Variants in ADGRA3 observed in about 807,000 individuals in gnomAD.
The protein encoded by ADGRA3 is adhesion G protein-coupled receptor A3.
ADGRA3 carries 56 observed loss-of-function variants against 119.8 expected under a neutral mutation model. That is an observed-to-expected ratio of 0.47 (90% CI 0.38 to 0.58). The LOEUF (loss-of-function observed/expected upper bound fraction) is 0.58, where lower values mean the gene tolerates loss of function less well. ADGRA3 is among the 20% of genes least tolerant of loss of function. The pLI, the probability that ADGRA3 is intolerant of heterozygous loss-of-function variation, is 0.00. For missense variants in ADGRA3, 1,516 were observed against 1,649.0 expected, an observed-to-expected ratio of 0.92 and a Z score of 1.40; for synonymous variants, 607 against 623.8, an observed-to-expected ratio of 0.97 and a Z score of 0.40.
At chr4:22,402,032 A>G (rs1244855159) in intron 15 of ADGRA3, among the ~76,000 whole-genome samples, 1 of 152,152 alleles carries the variant, frequency 6.6e-6, no homozygotes, top group African/African-American at 2.4e-5. Flanking sequence ...AATATATATC[A>G]AAATCTCCTT....
intron 7 of ADGRA3, among the ~76,000 whole-genome samples, chr4:22,439,437 T>C (rs1299276083): frequency 1.3e-5 from 2 of 152,240 alleles, no homozygotes; most frequent in Non-Finnish European, 2.9e-5. Context: ...GGACCCAGTA[T>C]GCGTTGCTGT....
At chr4:22,411,548 G>A (rs778265816) in intron 14 of ADGRA3, among the ~76,000 whole-genome samples, 14 of 152,196 alleles carry the variant, frequency 9.2e-5, no homozygotes, top group East Asian at 1.9e-4. Flanking sequence ...GCAGTGAGGC[G>A]AGATTGCACC....
At chr4:22,401,951 C>A (rs1185824130) in intron 15 of ADGRA3, among the ~76,000 whole-genome samples, 3 of 151,972 alleles carry the variant, frequency 2.0e-5, no homozygotes, top group Non-Finnish European at 2.9e-5. Flanking sequence ...GACCCACTGG[C>A]GCAGGTCTAA....
At chr4:22,514,027 T>C (rs570471627) in intron 1 of ADGRA3, among the ~76,000 whole-genome samples, 1 of 152,284 alleles carries the variant, frequency 6.6e-6, no homozygotes, top group East Asian at 1.9e-4. Flanking sequence ...TACTAGTAGT[T>C]GACCTAATCC....
At chr4:22,409,181 T>C (rs1439676954) in intron 14 of ADGRA3, among the ~76,000 whole-genome samples, 1 of 152,168 alleles carries the variant, frequency 6.6e-6, no homozygotes, top group Non-Finnish European at 1.5e-5. Context: ...TGTAAAAATA[T>C]AACCAATATT....
chr4:22,405,546 TAAA>T (rs371969552), intron 14 of ADGRA3, among the ~76,000 whole-genome samples: 1 of 125,450 alleles, frequency 8.0e-6, no homozygotes, highest in Non-Finnish European at 1.7e-5. Context: ...CCCCTATTTC[TAAA>T]AAAAAAAAAA....
intron 17 of ADGRA3, among the ~76,000 whole-genome samples, chr4:22,391,469 A>G (rs1252415764): frequency 2.0e-5 from 3 of 151,994 alleles, no homozygotes; most frequent in Admixed American, 6.6e-5. Flanking sequence ...CTGGACATCA[A>G]TCCTAGAGAA....
chr4:22,414,967 C>CT (rs1019421061), intron 12 of ADGRA3, among the ~76,000 whole-genome samples: 1 of 151,586 alleles, frequency 6.6e-6, no homozygotes, highest in African/African-American at 2.4e-5. Flanking sequence ...TGAAACAGGG[C>CT]TTTTTTGGAC....
At chr4:22,475,561 A>C (rs563284222) in intron 1 of ADGRA3, among the ~76,000 whole-genome samples, 14 of 152,140 alleles carry the variant, frequency 9.2e-5, no homozygotes, top group African/African-American at 3.4e-4. Flanking sequence ...CCCCGTCTCC[A>C]CTAAATATAC....
At chr4:22,468,061 T>G (rs1266200052) in intron 2 of ADGRA3, among the ~76,000 whole-genome samples, 3 of 152,236 alleles carry the variant, frequency 2.0e-5, no homozygotes, top group African/African-American at 7.2e-5. Flanking sequence ...GTCAGGCCTT[T>G]GTGGTTGGTT....
rs894867118 is a variant in ADGRA3 at position 22,450,109 on chromosome 4, C to T, written c.474-2598G>A. On this transcript the variant is annotated intron_variant, in intron 4 of 18. Coordinates refer to ENST00000334304, the MANE Select transcript of ADGRA3 (RefSeq NM_145290.4). ...CACATATTTTACAACATTACAATCG[C>T]AGTCTAGCTCTGAGATGCTCACTAA... Among the ~76,000 whole-genome samples the T allele has an allele frequency of 2.6e-5, 4 of 152,190 alleles. No homozygotes were observed. The South Asian group carries it at 6.2e-4, about 24-fold the overall frequency.
intron 10 of ADGRA3, among the ~76,000 whole-genome samples, chr4:22,424,676 A>C (rs915226992): frequency 1.3e-5 from 2 of 152,358 alleles, no homozygotes; most frequent in South Asian, 2.1e-4. Context: ...ATGTCACACA[A>C]TACCAGAATA....
chr4:22,479,395 G>A (rs140466778), intron 1 of ADGRA3, among the ~76,000 whole-genome samples: 12,449 of 151,856 alleles, frequency 0.082, 565 homozygotes, highest in Non-Finnish European at 0.092. Flanking sequence ...CCCGGGAGGC[G>A]GAGCTTGCAG....
intron 1 of ADGRA3, among the ~76,000 whole-genome samples, chr4:22,506,144 G>A (rs181662946): frequency 2.4e-4 from 37 of 152,236 alleles, no homozygotes; most frequent in Non-Finnish European, 4.3e-4. Flanking sequence ...TGAAGATGGG[G>A]GGAGAAGCAG....
At chr4:22,497,356 T>C (rs1213147877) in intron 1 of ADGRA3, among the ~76,000 whole-genome samples, 4 of 145,592 alleles carry the variant, frequency 2.7e-5, no homozygotes, top group Admixed American at 6.9e-5. Context: ...ATCTTCACTA[T>C]AAAAAAAAAA....
chr4:22,478,624 G>A (rs1718137987), intron 1 of ADGRA3, among the ~76,000 whole-genome samples: 1 of 152,174 alleles, frequency 6.6e-6, no homozygotes, highest in South Asian at 2.1e-4. Flanking sequence ...ATGTGAAACT[G>A]TGAACGTGAC....
chr4:22,387,652 G>A lies in ADGRA3; in HGVS notation c.*53C>T. On this transcript the variant is annotated 3_prime_UTR_variant, in exon 19 of 19. Transcript: ENST00000334304. The stretch of plus-strand genomic sequence containing the variant: ...AGTTTTTAAATGCTCATAGCTTCAA[G>A]GAATGTGAGTATCACAGTTTATATG... 1 of 1,503,110 alleles carries A rather than the reference G, an allele frequency of 6.7e-7. No homozygotes were observed. Among genetic ancestry groups the A allele is most frequent in the Admixed American group, 2.1e-5 (1 of 47,532 alleles). 93.1% of individuals were successfully genotyped at this position (1,503,110 alleles called of 1,614,324 possible). A position where few individuals can be genotyped will look rare whatever the true frequency, so the allele number is the denominator to read the frequency against.
intron 16 of ADGRA3, among the ~76,000 whole-genome samples, chr4:22,395,844 T>C (rs950510188): frequency 1.3e-5 from 2 of 152,204 alleles, no homozygotes; most frequent in Non-Finnish European, 2.9e-5. Flanking sequence ...ACATAAAACA[T>C]GCACAGTAGT....
At chr4:22,432,522 T>C (rs989119484) in intron 10 of ADGRA3, among the ~76,000 whole-genome samples, 1 of 152,238 alleles carries the variant, frequency 6.6e-6, no homozygotes, top group African/African-American at 2.4e-5. Flanking sequence ...AAAATCTATA[T>C]ATAAACTAGT....
Sources: gnomAD v4.1 joint callset for allele counts (sites outside exome capture counted in the v4.1 genomes callset) on GRCh38, gnomAD v4.1.1 for gene constraint, MANE v1.5 for transcripts, NCBI Gene and HGNC (gene_info 2026-07-23, HGNC 2026-07-21) for gene names.